TRAPPC9: variants seen among roughly 807,000 people sequenced by gnomAD.
TRAPPC9 encodes IKK2 binding protein.
A neutral mutation model predicts 124.0 loss-of-function variants in TRAPPC9; 83 were observed. The observed-to-expected ratio is 0.67, with a 90% CI of 0.56 to 0.80. TRAPPC9 has a LOEUF of 0.80. Ranked by LOEUF, TRAPPC9 falls within the 30% of genes least tolerant of loss-of-function variation. The pLI, the probability that TRAPPC9 is intolerant of heterozygous loss-of-function variation, is 0.00. For missense variants in TRAPPC9, 1,302 were observed against 1,508.3 expected (o/e 0.86, Z 2.27); for synonymous variants, 638 against 617.5 (o/e 1.03, Z -0.49).
chr8:140,228,699 T>C (rs553973516), intron 16 of TRAPPC9, among the ~76,000 whole-genome samples: 1 of 152,342 alleles, frequency 6.6e-6, no homozygotes, highest in South Asian at 2.1e-4. Flanking sequence ...TGAAATGTTC[T>C]GGGTGGTTCC....
intron 4 of TRAPPC9, among the ~76,000 whole-genome samples, chr8:140,428,939 T>C (rs2070526667): frequency 6.6e-6 from 1 of 152,112 alleles, no homozygotes; most frequent in Non-Finnish European, 1.5e-5. Context: ...TCCCACCCTT[T>C]CCACACTGGC....
intron 18 of TRAPPC9, among the ~76,000 whole-genome samples, chr8:140,020,958 T>C (rs1024946338): frequency 2.0e-5 from 3 of 152,260 alleles, no homozygotes; most frequent in Non-Finnish European, 2.9e-5. Context: ...TAATTGTCTT[T>C]ATGTCTTTTC....
At chr8:139,855,243 A>G (rs957992804) in intron 21 of TRAPPC9, among the ~76,000 whole-genome samples, 2 of 152,216 alleles carry the variant, frequency 1.3e-5, no homozygotes, top group Non-Finnish European at 2.9e-5. Context: ...GTGAAGAGGC[A>G]GCAGCTAAAT....
chr8:140,328,971 C>T (rs2066818853), intron 9 of TRAPPC9, among the ~76,000 whole-genome samples: 2 of 152,120 alleles, frequency 1.3e-5, no homozygotes, highest in South Asian at 2.1e-4. Context: ...GCAGGGCAAG[C>T]TCGTCGGAAG....
At chr8:139,798,687 T>C (rs764823701) in intron 21 of TRAPPC9, among the ~76,000 whole-genome samples, 33 of 152,350 alleles carry the variant, frequency 2.2e-4, no homozygotes, top group Non-Finnish European at 4.1e-4. Context: ...AGTGGTTCTC[T>C]TCTGAAGCTC....
intron 17 of TRAPPC9, among the ~76,000 whole-genome samples, chr8:140,162,003 T>C (rs2061759758): frequency 6.6e-6 from 1 of 152,108 alleles, no homozygotes; most frequent in East Asian, 1.9e-4. Context: ...TCCCTGAAGG[T>C]GCCTCTGTGG....
chr8:139,817,075 C>CAT (rs2130776276), intron 21 of TRAPPC9, among the ~76,000 whole-genome samples: 1 of 152,110 alleles, frequency 6.6e-6, no homozygotes, highest in East Asian at 1.9e-4. Context: ...CACACACACA[C>CAT]ACACCAGCCA....
At chr8:139,991,479 A>G (rs1837639748) in intron 18 of TRAPPC9, among the ~76,000 whole-genome samples, 1 of 152,182 alleles carries the variant, frequency 6.6e-6, no homozygotes, top group Non-Finnish European at 1.5e-5. Context: ...TTGTGCCATC[A>G]TAATGTCATT....
intron 21 of TRAPPC9, among the ~76,000 whole-genome samples, chr8:139,740,762 A>G (rs951916782): frequency 2.0e-5 from 3 of 152,182 alleles, no homozygotes; most frequent in African/African-American, 7.2e-5. Context: ...CCCCAACTGG[A>G]GCCATCCTGG....
intron 19 of TRAPPC9, among the ~76,000 whole-genome samples, chr8:139,983,601 T>TA (rs1329580171): frequency 6.6e-6 from 1 of 152,128 alleles, no homozygotes; most frequent in Non-Finnish European, 1.5e-5. Flanking sequence ...ACACAGGAAA[T>TA]ACTTGGTGAA....
chr8:140,031,159 G>T (rs538771237), intron 17 of TRAPPC9, among the ~76,000 whole-genome samples: 1 of 152,316 alleles, frequency 6.6e-6, no homozygotes, highest in South Asian at 2.1e-4. Context: ...CCCTCGAAGA[G>T]GCTTCAGATG....
intron 21 of TRAPPC9, among the ~76,000 whole-genome samples, chr8:139,809,152 T>A (rs535834275): frequency 6.6e-6 from 1 of 152,206 alleles, no homozygotes; most frequent in Non-Finnish European, 1.5e-5. Flanking sequence ...ATCCAGATAA[T>A]CCACTTAACT....
At chr8:139,817,981 A>G (rs756265327) in intron 21 of TRAPPC9, among the ~76,000 whole-genome samples, 15 of 152,212 alleles carry the variant, frequency 9.9e-5, no homozygotes, top group Admixed American at 1.3e-4. Context: ...CAGTTCCACA[A>G]TTTATTCTTA....
At chr8:139,810,312 G>A (rs778483236) in intron 21 of TRAPPC9, among the ~76,000 whole-genome samples, 5 of 152,172 alleles carry the variant, frequency 3.3e-5, no homozygotes, top group Non-Finnish European at 7.3e-5. Context: ...CACGAAGCAG[G>A]AGCAGCCACG....
chr8:139,920,001 T>C (rs1055204373), intron 19 of TRAPPC9, among the ~76,000 whole-genome samples: 3 of 152,262 alleles, frequency 2.0e-5, no homozygotes, highest in Admixed American at 2.0e-4. Flanking sequence ...TTCTCCAATG[T>C]TCCTCACTGA....
intron 21 of TRAPPC9, among the ~76,000 whole-genome samples, chr8:139,756,975 G>C (rs1819866703): frequency 7.5e-6 from 1 of 134,174 alleles, no homozygotes; most frequent in African/African-American, 3.0e-5. Flanking sequence ...GAGAAGCCAG[G>C]GTTTGGGGAT....
chr8:139,892,352 G>T (rs1392363602), intron 20 of TRAPPC9, among the ~76,000 whole-genome samples: 1 of 152,234 alleles, frequency 6.6e-6, no homozygotes, highest in Non-Finnish European at 1.5e-5. Flanking sequence ...GACTCCAGCT[G>T]CCTCTCTCTG....
intron 18 of TRAPPC9, among the ~76,000 whole-genome samples, chr8:140,013,929 C>T (rs181415659): frequency 6.7e-4 from 102 of 152,320 alleles, no homozygotes; most frequent in Admixed American, 3.2e-3. Flanking sequence ...GGAGAATCAA[C>T]ACTGGAAATC....
At chr8:140,419,885 CA>C (rs376326179) in intron 5 of TRAPPC9, among the ~76,000 whole-genome samples, 4 of 143,116 alleles carry the variant, frequency 2.8e-5, no homozygotes, top group Admixed American at 7.0e-5. Flanking sequence ...GACTCCGTCT[CA>C]AAAAAAAAAG....
Sources: allele counts gnomAD v4.1 joint callset (sites outside exome capture counted in the v4.1 genomes callset), GRCh38; gene constraint gnomAD v4.1.1; transcripts MANE v1.5; gene names NCBI Gene and HGNC (gene_info 2026-07-23, HGNC 2026-07-21).